The following E2F8 variants were observed in gnomAD, a reference collection of about 807,000 sequenced individuals.
The protein encoded by E2F8 is E2F transcription factor 8.
A neutral mutation model predicts 80.8 loss-of-function variants in E2F8; 35 were observed. That is an observed-to-expected ratio of 0.43 (90% CI 0.33 to 0.57). The LOEUF is 0.57. Ranked by LOEUF, E2F8 falls within the 20% of genes least tolerant of loss-of-function variation. The pLI, the probability that E2F8 is intolerant of heterozygous loss-of-function variation, is 0.04. For missense variants in E2F8, 975 were observed against 1,056.2 expected, an observed-to-expected ratio of 0.92 and a Z score of 1.07; for synonymous variants, 386 against 395.0, an observed-to-expected ratio of 0.98 and a Z score of 0.27.
At chr11:19,234,610 A>G (rs1420501761) in intron 5 of E2F8, 89 bp from the exon 6 acceptor site, 4 of 1,554,440 alleles carry the variant, frequency 2.6e-6, no homozygotes, top group African/African-American at 1.4e-5. Context: ...CTACCACCTG[A>G]TCATACAGCT....
At chr11:19,233,173 T>C (rs1851424204) in intron 6 of E2F8, among the ~76,000 whole-genome samples, 1 of 152,154 alleles carries the variant, frequency 6.6e-6, no homozygotes, top group Non-Finnish European at 1.5e-5. Flanking sequence ...GATCTCCCGA[T>C]CTCCCGAGCC....
In E2F8 at chr11:19,229,514, C is replaced by T. The variant is rs776830485; in HGVS notation, c.1833G>A (p.Glu611=). The T allele has an allele frequency of 1.9e-6, 3 of 1,614,228 alleles. No individual in the cohort carries two copies. Among genetic ancestry groups the T allele is most frequent in the Non-Finnish European group, 2.5e-6 (3 of 1,180,036 alleles). Residue 611 remains glutamate (E), a synonymous_variant, in exon 10 of 13, where the codon GAG becomes GAA. Transcript: ENST00000250024. The surrounding 1 kb of genome is among the most constrained non-coding windows in gnomAD (Gnocchi z 4.3). ...TAAATTTCTTTTTGGAACCACTGTC[C>T]TCGAGCATGCTTGCCCTCTTTGAGC... ...ERGSKRASML[E]DSGSKKKFKE...
In E2F8 at chr11:19,225,554, T is replaced by C; in HGVS notation, c.2088A>G (p.Thr696=). 2 of 1,614,046 alleles carry C rather than the reference T, an allele frequency of 1.2e-6. No individual in the cohort carries two copies. Among genetic ancestry groups the C allele is most frequent in the Non-Finnish European group, 1.7e-6 (2 of 1,180,004 alleles). ...TTGGTGAGACCATTAGCTTCAACGGTGTTACATGAAAAGAGGGAAAATTAA... is the reference window on the plus strand; with the variant it reads ...TTGGTGAGACCATTAGCTTCAACGGCGTTACATGAAAAGAGGGAAAATTAA... The part of the protein sequence containing the change: ...TAVNFPSFHV[T]PLKLMVSPTS... The change falls in exon 12 of 13, where the codon ACA becomes ACG. Residue 696 remains threonine (T), a synonymous_variant. Coordinates refer to ENST00000250024, the MANE Select transcript of E2F8 (RefSeq NM_024680.4).
At position 19,232,263 on chromosome 11, in the gene E2F8, G is replaced by T. The variant is rs375880388; in HGVS notation, c.1037C>A (p.Thr346Asn). The change falls in exon 7 of 13, where the codon ACC becomes AAC. Residue 346 changes from threonine to asparagine, a missense_variant. Thr to Asn is a moderately conservative substitution (Grantham distance 65). Transcript: ENST00000250024. ...GGTATTTGGACTGATTTCTGGGCCG[G>T]TCCATTTGAAAGCTGGTTTTCGGCC... ...ERGRKPAFKW[T>N]GPEISPNTSG... 1.2e-6 allele frequency: 2 copies of T among 1,614,152 alleles called. No individual in the cohort carries two copies. Among genetic ancestry groups the T allele is most frequent in the Non-Finnish European group, 1.7e-6 (2 of 1,180,016 alleles).
chr11:19,229,702 A>T lies in E2F8; in HGVS notation c.1645T>A (p.Ser549Thr). 6.2e-7 allele frequency: 1 copy of T among 1,614,052 alleles called. No individual in the cohort carries two copies. Among genetic ancestry groups the T allele is most frequent in the Non-Finnish European group, 8.5e-7 (1 of 1,180,006 alleles). The change falls in exon 10 of 13, where the codon TCT (serine) becomes ACT (threonine). Residue 549 changes from serine to threonine, a missense_variant. Coordinates refer to ENST00000250024, the MANE Select transcript of E2F8 (RefSeq NM_024680.4). This position sits in a 1 kb window ranked among gnomAD's most constrained non-coding sequence, Gnocchi z 4.3. ...TCTTTTGAGCCAGTAGCTTTAGAAGAGTGGGTGGTGCACACCGTTGGGCTC... is the reference window on the plus strand; with the variant it reads ...TCTTTTGAGCCAGTAGCTTTAGAAGTGTGGGTGGTGCACACCGTTGGGCTC... The part of the protein sequence containing the change: ...GLSPTVCTTH[S>T]SKATGSKDST...
chr11:19,241,251 G>A (rs939740769), upstream of E2F8, among the ~76,000 whole-genome samples: 3 of 151,956 alleles, frequency 2.0e-5, no homozygotes, highest in Non-Finnish European at 4.4e-5. The surrounding 1 kb of genome is among the most constrained non-coding windows in gnomAD (Gnocchi z 4.5). Flanking sequence ...CCCCTCGTTC[G>A]CCCCCGCCCC....
At chr11:19,226,772 T>C (rs1565066492) in intron 10 of E2F8, among the ~76,000 whole-genome samples, 1 of 152,190 alleles carries the variant, frequency 6.6e-6, no homozygotes, top group African/African-American at 2.4e-5. Flanking sequence ...AGAAATTATA[T>C]AAGTAAAGAT....
At chr11:19,228,662 G>C (rs1223557891) in intron 10 of E2F8, among the ~76,000 whole-genome samples, 1 of 152,222 alleles carries the variant, frequency 6.6e-6, no homozygotes, top group East Asian at 1.9e-4. Context: ...AAAATAGCTT[G>C]TATTAAGAGC....
intron 2 of E2F8, 92 bp downstream of exon 2, chr11:19,240,015 G>GA (rs1335483678): frequency 3.0e-5 from 32 of 1,072,030 alleles, no homozygotes; most frequent in Non-Finnish European, 4.0e-5. Flanking sequence ...GTGGCATTAA[G>GA]AAAACACATT....
At chr11:19,235,163 C>A (rs947506570) in intron 4 of E2F8, 105 bp from the exon 5 acceptor site, 1 of 1,028,708 alleles carries the variant, frequency 9.7e-7, no homozygotes, top group South Asian at 1.7e-5. Context: ...TGGATAATAT[C>A]ACTTTCCTAA....
intron 9 of E2F8, 35 bp from the exon 10 acceptor site, chr11:19,230,023 T>C: frequency 6.2e-7 from 1 of 1,609,366 alleles, no homozygotes; most frequent in Non-Finnish European, 8.5e-7. Context: ...ACATGATGGA[T>C]ATACATTTTT....
intron 2 of E2F8, among the ~76,000 whole-genome samples, chr11:19,238,648 T>C (rs540616242): frequency 6.6e-6 from 1 of 152,326 alleles, no homozygotes; most frequent in Admixed American, 6.5e-5. Context: ...AAAATACCAC[T>C]GAAGAGTCAG....
In E2F8 at chr11:19,230,748, T is replaced by A. The variant is rs1851356945; in HGVS notation, c.1153A>T (p.Thr385Ser). Residue 385 changes from threonine to serine, a missense_variant, in exon 8 of 13, where the codon ACA becomes TCA. Thr to Ser is a moderately conservative substitution (Grantham distance 58, BLOSUM62 1). Transcript: ENST00000250024. ...CGAGTAAAGTTTGGTTTCCCACGTGTGGAAAAGAGGTTTTTGGCACAGTTC... is the reference window on the plus strand; with the variant it reads ...CGAGTAAAGTTTGGTTTCCCACGTGAGGAAAAGAGGTTTTTGGCACAGTTC... ...KENCAKNLFS[T>S]RGKPNFTRHP... 2.5e-6 allele frequency: 4 copies of A among 1,613,978 alleles called. No individual in the cohort carries two copies. Among genetic ancestry groups the A allele is most frequent in the Non-Finnish European group, 3.4e-6 (4 of 1,179,964 alleles).
Position 19,224,502 on chromosome 11 carries a change from T to C in E2F8, c.*156A>G, listed in dbSNP as rs1276388180. On this transcript the variant is annotated 3_prime_UTR_variant, in exon 13 of 13. Coordinates refer to ENST00000250024, the MANE Select transcript of E2F8 (RefSeq NM_024680.4). ...GTGTGTGTGTGTGTGTGTGTGTATA[T>C]ATATATATGTATGAAAACAACTATC... 1 of 604,328 alleles carries C rather than the reference T, an allele frequency of 1.7e-6. No homozygotes were observed. The highest frequency in any genetic ancestry group is 1.9e-5 in the African/African-American group (1 of 53,966). The allele number at this position is 604,328 out of a possible 1,614,324, so 37.4% of individuals were successfully genotyped here.
chr11:19,234,215 C>T (rs1302929109), intron 6 of E2F8, 145 bp downstream of exon 6: 1 of 711,112 alleles, frequency 1.4e-6, no homozygotes, highest in Non-Finnish European at 2.2e-6. Flanking sequence ...TCAATATTAT[C>T]ATGGCTTCTG....
chr11:19,225,244 C>T lies in E2F8; in HGVS notation c.2398G>A (p.Val800Ile), dbSNP rs745503183. ...ACCTGTTGTGCCCCTGTCACAGCAA[C>T]TGATTGTCCATTTGGCTGGCTCTGG... ...PGQSQPNGQS[V>I]AVTGAQQPVP... Residue 800 changes from valine to isoleucine, a missense_variant, in exon 12 of 13, where the codon GTT becomes ATT. Coordinates refer to ENST00000250024, the MANE Select transcript of E2F8 (RefSeq NM_024680.4). The T allele has an allele frequency of 2.5e-6, 4 of 1,613,626 alleles. No individual in the cohort carries two copies. Among genetic ancestry groups the T allele is most frequent in the African/African-American group, 2.7e-5 (2 of 74,910 alleles).
At position 19,224,102 on chromosome 11, in the gene E2F8, A is replaced by C. The variant is rs981482162; in HGVS notation, c.*556T>G. The C allele has an allele frequency of 1.3e-5, 2 of 152,544 alleles. No individual in the cohort carries two copies. The highest frequency in any genetic ancestry group is 4.8e-5 in the African/African-American group (2 of 41,480). The allele number at this position is 152,544 out of a possible 1,614,324, so 9.4% of individuals were successfully genotyped here. A position where few individuals can be genotyped will look rare whatever the true frequency, so the allele number is the denominator to read the frequency against. ...GTTTTAATTTGAACAACTTATGATT[A>C]AAAATACATTTTATAAATAATTTTT... On this transcript the variant is annotated 3_prime_UTR_variant, in exon 13 of 13. Coordinates refer to ENST00000250024, the MANE Select transcript of E2F8 (RefSeq NM_024680.4).
chr11:19,237,289 T>C (rs751792080), intron 4 of E2F8, 25 bp downstream of exon 4: 5 of 1,611,914 alleles, frequency 3.1e-6, no homozygotes, highest in Non-Finnish European at 4.2e-6. Context: ...TATTAATTCT[T>C]TCAGTGAGTT....
Position 19,224,859 on chromosome 11 carries a change from A to C in E2F8, c.2422-19T>G, listed in dbSNP as rs1851187626. The C allele has an allele frequency of 6.2e-7, 1 of 1,613,724 alleles. No homozygotes were observed. Among genetic ancestry groups the C allele is most frequent in the Non-Finnish European group, 8.5e-7 (1 of 1,179,862 alleles). On this transcript the variant is annotated intron_variant, in intron 12 of 12. Transcript: ENST00000250024. ...GAACAGGCTGATTGGAAAGAGAAGA[A>C]TGGACAAAAGAAGTCAACCACACAC...
Sources: gnomAD v4.1 joint callset for allele counts (sites outside exome capture counted in the v4.1 genomes callset) on GRCh38, gnomAD v4.1.1 for gene constraint, Gnocchi (gnomAD v3.1) non-coding constraint, MANE v1.5 for transcripts, NCBI Gene and HGNC (gene_info 2026-07-23, HGNC 2026-07-21) for gene names.